GASK1B: variants seen among roughly 807,000 people sequenced by gnomAD.
GASK1B encodes Golgi-associated kinase 1B.
A neutral mutation model predicts 42.8 loss-of-function variants in GASK1B; 34 were observed. The ratio of observed to expected loss-of-function variants is 0.79; its 90% confidence interval spans 0.60 to 1.06. The LOEUF (loss-of-function observed/expected upper bound fraction) is 1.06. Among genes scored for constraint, GASK1B ranks in the 50% least tolerant of loss-of-function variants. The pLI is 0.00. For synonymous variants in GASK1B, 262 were observed against 259.1 expected, an observed-to-expected ratio of 1.01 and a Z score of -0.11; for missense variants, 686 against 661.0, an observed-to-expected ratio of 1.04 and a Z score of -0.42.
At chr4:158,133,844 A>G (rs1730777442) in intron 3 of GASK1B, among the ~76,000 whole-genome samples, 1 of 152,236 alleles carries the variant, frequency 6.6e-6, no homozygotes, top group Non-Finnish European at 1.5e-5. Context: ...TCTCTTATAG[A>G]AAATGTTGCC....
At chr4:158,166,081 A>AACTGCTGGATCTTATATTGTGGCAC (rs577478353) in intron 2 of GASK1B, among the ~76,000 whole-genome samples, 91 of 152,316 alleles carry the variant, frequency 6.0e-4, no homozygotes, top group African/African-American at 2.1e-3. Context: ...CTCCAGTGGT[A>AACTGCTGGATCTTATATTGTGGCAC]ACTGCTGGAT....
rs965238236 is a variant in GASK1B at position 158,155,605 on chromosome 4, A to G, written c.1125+6T>C. 3.1e-6 allele frequency: 5 copies of G among 1,611,692 alleles called. No homozygotes were observed. Among genetic ancestry groups the G allele is most frequent in the Non-Finnish European group, 2.5e-6 (3 of 1,178,140 alleles). ...GATAACTATTTGCTTGATTTGATAAACTTACCTGTAACAAAAAATCAAAGA... is the reference window on the plus strand; with the variant it reads ...GATAACTATTTGCTTGATTTGATAAGCTTACCTGTAACAAAAAATCAAAGA... On this transcript the variant is annotated splice_donor_region_variant and intron_variant, in intron 3 of 4. Transcript: ENST00000585682.
chr4:158,153,383 TGA>T (rs1192453433), intron 3 of GASK1B, among the ~76,000 whole-genome samples: 1 of 152,200 alleles, frequency 6.6e-6, no homozygotes, highest in African/African-American at 2.4e-5. Context: ...ACATCCAATG[TGA>T]GTTTGGATGG....
chr4:158,141,596 CCTTTTT>C (rs1285576847), intron 3 of GASK1B, among the ~76,000 whole-genome samples: 16 of 21,868 alleles, frequency 7.3e-4, no homozygotes, highest in Non-Finnish European at 3.9e-3. Flanking sequence ...TTTGTATTTA[CCTTTTT>C]TTTTTTTTTT....
intron 2 of GASK1B, among the ~76,000 whole-genome samples, chr4:158,157,800 C>A (rs1206901444): frequency 1.3e-5 from 2 of 152,022 alleles, no homozygotes; most frequent in African/African-American, 2.4e-5. Context: ...CAATTGAAAC[C>A]TGCTGGGCTG....
chr4:158,127,297 T>C lies in GASK1B; in HGVS notation c.*110A>G. ...GGTTAAAGTCATTTATTTTACGTAT[T>C]CATCTACACTGCCTCATTGCTAAAC... On this transcript the variant is annotated 3_prime_UTR_variant, in exon 5 of 5. Coordinates refer to ENST00000585682, the MANE Select transcript of GASK1B (RefSeq NM_001128424.2). The C allele has an allele frequency of 1.2e-6, 1 of 828,290 alleles. No homozygotes were observed. Among genetic ancestry groups the C allele is most frequent in the East Asian group, 2.4e-5 (1 of 41,048 alleles). The allele number at this position is 828,290 out of a possible 1,614,324, so 51.3% of individuals were successfully genotyped here. A position where few individuals can be genotyped will look rare whatever the true frequency, so the allele number is the denominator to read the frequency against.
At chr4:158,138,647 T>C (rs188965753) in intron 3 of GASK1B, among the ~76,000 whole-genome samples, 35 of 152,090 alleles carry the variant, frequency 2.3e-4, no homozygotes, top group Admixed American at 2.0e-3. Context: ...TTTTTTTCTA[T>C]AATATAGATT....
rs1730439802 is a variant in GASK1B, at chr4:158,126,033, GAGAGAATGT to G, written c.*1365_*1373del. 1 of 152,026 alleles carries G rather than the reference GAGAGAATGT, an allele frequency of 6.6e-6. No homozygotes were observed. The highest frequency in any genetic ancestry group is 2.4e-5 in the African/African-American group (1 of 41,424). The allele number at this position is 152,026 out of a possible 1,614,324, so 9.4% of individuals were successfully genotyped here. A position where few individuals can be genotyped will look rare whatever the true frequency, so the allele number is the denominator to read the frequency against. On this transcript the variant is annotated 3_prime_UTR_variant, in exon 5 of 5. Coordinates refer to ENST00000585682, the MANE Select transcript of GASK1B (RefSeq NM_001128424.2). ...AACAGACGTAACCGTGAAAAGACAG[GAGAGAATGT>G]ATTATAAACATTCTCAAATTGTATT...
chr4:158,151,340 C>T (rs539015200), intron 3 of GASK1B, among the ~76,000 whole-genome samples: 3 of 152,248 alleles, frequency 2.0e-5, no homozygotes, highest in Admixed American at 1.3e-4. Flanking sequence ...GGCCAACTGA[C>T]CATTGAAACA....
At chr4:158,153,660 A>T (rs761754116) in intron 3 of GASK1B, among the ~76,000 whole-genome samples, 27 of 152,224 alleles carry the variant, frequency 1.8e-4, no homozygotes, top group Non-Finnish European at 1.6e-4. Flanking sequence ...AAACAGGCAC[A>T]TAGACCAATG....
chr4:158,127,992 T>C (rs1730527482), intron 4 of GASK1B, among the ~76,000 whole-genome samples: 2 of 152,184 alleles, frequency 1.3e-5, no homozygotes, highest in South Asian at 4.1e-4. Flanking sequence ...TATCCTCAGA[T>C]GTGTCAAGGT....
chr4:158,151,748 A>G (rs1443077470), intron 3 of GASK1B, among the ~76,000 whole-genome samples: 2 of 152,238 alleles, frequency 1.3e-5, no homozygotes, highest in Non-Finnish European at 2.9e-5. Context: ...TGAACTAGGA[A>G]GAAATACAAA....
rs558508867 is a variant in GASK1B, at chr4:158,139,451, G to A, written c.1126-8439C>T. Among the ~76,000 whole-genome samples, 24 of 152,146 alleles carry A rather than the reference G, an allele frequency of 1.6e-4. 2 individuals are homozygous for A. In the South Asian group the frequency reaches 3.5e-3, roughly 22 times the overall value. ...GCAATCTCAAAATCTTAAAATCACA[G>A]AATCTTAGAATCACAGAAATGTAAT... On this transcript the variant is annotated intron_variant, in intron 3 of 4. Coordinates refer to ENST00000585682, the MANE Select transcript of GASK1B (RefSeq NM_001128424.2).
intron 3 of GASK1B, among the ~76,000 whole-genome samples, chr4:158,140,340 T>G (rs942166834): frequency 3.9e-5 from 6 of 152,334 alleles, no homozygotes; most frequent in Admixed American, 2.0e-4. Flanking sequence ...TGAATATGGT[T>G]GGGAAGAGCA....
chr4:158,167,516 C>T (rs1732274160), intron 2 of GASK1B, among the ~76,000 whole-genome samples: 1 of 152,070 alleles, frequency 6.6e-6, no homozygotes, highest in African/African-American at 2.4e-5. Flanking sequence ...TGGTGGCTTC[C>T]AGTATAGTTT....
In GASK1B at chr4:158,132,875, C is replaced by G. The variant is rs140456693; in HGVS notation, c.1126-1863G>C. ...AGTCACATAGACTGACTCCAGGGAACAGTAAGTTACCACTGCTTGTTAATG... is the reference window on the plus strand; with the variant it reads ...AGTCACATAGACTGACTCCAGGGAAGAGTAAGTTACCACTGCTTGTTAATG... On this transcript the variant is annotated intron_variant, in intron 3 of 4. Transcript: ENST00000585682. 6.4e-3 allele frequency among the ~76,000 whole-genome samples: 975 copies of G among 152,226 alleles called. 11 individuals are homozygous for G. The highest frequency in any genetic ancestry group is 0.022 in the African/African-American group (909 of 41,526).
chr4:158,149,923 CTT>C (rs745441423), intron 3 of GASK1B, among the ~76,000 whole-genome samples: 4 of 67,178 alleles, frequency 6.0e-5, no homozygotes, highest in South Asian at 6.8e-4. Context: ...CTGCATGCTG[CTT>C]TTTTTTTTTT....
intron 3 of GASK1B, among the ~76,000 whole-genome samples, chr4:158,133,739 C>A (rs999556196): frequency 6.6e-6 from 1 of 152,228 alleles, no homozygotes. Context: ...ACTCAACTGT[C>A]TGTGATGATT....
chr4:158,170,698 G>A lies in GASK1B; in HGVS notation c.678C>T (p.Leu226=), dbSNP rs1732462219. ...LSKDDIRRMR[L]LADSAVAGLR... ...GCCCTGCCACTGCGCTGTCCGCCAA[G>A]AGTCGCATTCTTCGGATGTCATCTT... The change falls in exon 2 of 5, where the codon CTC becomes CTT. Residue 226 remains leucine, a synonymous_variant. Coordinates refer to ENST00000585682, the MANE Select transcript of GASK1B (RefSeq NM_001128424.2). 3 of 1,614,096 alleles carry A rather than the reference G, an allele frequency of 1.9e-6. No homozygotes were observed. In the East Asian group the frequency reaches 6.7e-5, roughly 36 times the overall value.
Sources: gnomAD v4.1 joint callset for allele counts (sites outside exome capture counted in the v4.1 genomes callset) on GRCh38, gnomAD v4.1.1 for gene constraint, MANE v1.5 for transcripts, NCBI Gene and HGNC (gene_info 2026-07-23, HGNC 2026-07-21) for gene names.